Variants in PARG observed in about 807,000 individuals in gnomAD.
PARG encodes the protein mitochondrial poly(ADP-ribose) glycohydrolase.
PARG carries 35 observed loss-of-function variants against 113.0 expected under a neutral mutation model. The ratio of observed to expected loss-of-function variants is 0.31; its 90% confidence interval spans 0.24 to 0.41. PARG has a LOEUF of 0.41. Ranked by LOEUF, PARG falls within the 10% of genes least tolerant of loss-of-function variation. PARG has a pLI of 1.00. For synonymous variants in PARG, 330 were observed against 409.9 expected, an observed-to-expected ratio of 0.81 and a Z score of 2.36; for missense variants, 797 against 1,169.4, an observed-to-expected ratio of 0.68 and a Z score of 4.64.
intron 7 of PARG, among the ~76,000 whole-genome samples, chr10:49,899,154 T>C (rs1848237653): frequency 6.6e-6 from 1 of 152,242 alleles, no homozygotes; most frequent in African/African-American, 2.4e-5. Flanking sequence ...TATCATAGTT[T>C]TCTTTTGTGT....
intron 11 of PARG, among the ~76,000 whole-genome samples, chr10:49,862,788 T>C (rs544172702): frequency 2.0e-5 from 3 of 151,992 alleles, no homozygotes; most frequent in Non-Finnish European, 4.4e-5. Context: ...GAAAAATTAC[T>C]TTCCCAGTCT....
At chr10:49,849,539 CA>C (rs1448432703) in intron 13 of PARG, among the ~76,000 whole-genome samples, 1 of 152,030 alleles carries the variant, frequency 6.6e-6, no homozygotes, top group East Asian at 1.9e-4. Flanking sequence ...TCAATTAAAA[CA>C]AAAAACAATG....
rs1843899869 is a variant in PARG at position 49,818,381 on chromosome 10, T to C, written c.*959A>G. ...ATACATATATAAAATATAGATGATA[T>C]GGGAGTTTCTGACAAAGTGATTTAT... On this transcript the variant is annotated 3_prime_UTR_variant, in exon 18 of 18. Transcript: ENST00000616448. 1 of 152,602 alleles carries C rather than the reference T, an allele frequency of 6.6e-6. No individual in the cohort carries two copies. 9.5% of individuals were successfully genotyped at this position (152,602 alleles called of 1,614,324 possible).
At position 49,885,287 on chromosome 10, in the gene PARG, T is replaced by C. The variant is rs1411001358; in HGVS notation, c.1746A>G (p.Glu582=). ...ALIDFWDKVL[E]EAEAQHLYQS... ...GATATAAATGTTGAGCTTCTGCTTC[T>C]TCAAGTACCTGAAAACCAATAAAAT... The change falls in exon 8 of 18, where the codon GAA becomes GAG. Residue 582 remains glutamate (E), a synonymous_variant. Coordinates refer to ENST00000616448, the MANE Select transcript of PARG (RefSeq NM_003631.5). 3 of 1,602,074 alleles carry C rather than the reference T, an allele frequency of 1.9e-6. No individual in the cohort carries two copies. Among genetic ancestry groups the C allele is most frequent in the East Asian group, 4.5e-5 (2 of 44,820 alleles).
chr10:49,856,670 C>T (rs868977621), intron 13 of PARG, among the ~76,000 whole-genome samples: 150 of 152,152 alleles, frequency 9.9e-4, no homozygotes, highest in African/African-American at 3.5e-3. Context: ...AGAATACATA[C>T]TAGAGGCATA....
At chr10:49,830,413 C>T (rs936757613) in intron 16 of PARG, among the ~76,000 whole-genome samples, 1 of 152,150 alleles carries the variant, frequency 6.6e-6, no homozygotes, top group African/African-American at 2.4e-5. Flanking sequence ...AGGTGAAAGT[C>T]TTTAGCATAA....
intron 7 of PARG, among the ~76,000 whole-genome samples, chr10:49,902,505 T>C (rs1554843933): frequency 6.6e-6 from 1 of 152,044 alleles, no homozygotes; most frequent in Non-Finnish European, 1.5e-5. Flanking sequence ...AGCTCAGAAA[T>C]CCAAGAAAGA....
At position 49,912,390 on chromosome 10, in the gene PARG, C is replaced by T. The variant is rs192083569; in HGVS notation, c.1737+3527G>A. ...TAAGAACCCTTAGTTTAAGGCCGAGCGCGGTGGCTCATGCCTGTAATCCCA... is the reference window on the plus strand; with the variant it reads ...TAAGAACCCTTAGTTTAAGGCCGAGTGCGGTGGCTCATGCCTGTAATCCCA... On this transcript the variant is annotated intron_variant, in intron 7 of 17. Coordinates refer to ENST00000616448, the MANE Select transcript of PARG (RefSeq NM_003631.5). 3.3e-5 allele frequency among the ~76,000 whole-genome samples: 5 copies of T among 151,798 alleles called. No individual in the cohort carries two copies. The East Asian group carries it at 7.8e-4, about 24-fold the overall frequency.
In PARG at chr10:49,932,283, T is replaced by A. The variant is rs1413183670; in HGVS notation, c.1272A>T (p.Arg424Ser). 1.9e-5 allele frequency: 30 copies of A among 1,549,196 alleles called. No homozygotes were observed. Among genetic ancestry groups the A allele is most frequent in the Non-Finnish European group, 2.1e-5 (24 of 1,120,848 alleles). Residue 424 changes from arginine (R) to serine (S), a missense_variant and splice_region_variant, in exon 4 of 18, where the codon AGA becomes AGT. Around this residue, in one of 5 missense-constraint regions of PARG, gnomAD observed 252 missense variants for 437.4 expected, o/e 0.58. Coordinates refer to ENST00000616448, the MANE Select transcript of PARG (RefSeq NM_003631.5). ...FMRLPKAEDR[R>S]KEQWETKHQR... Reference sequence around the variant, plus strand: ...GATGTTTGGTTTCCCACTGTTCTTTTCTAAGGTCAAGACAAATGTATTTAG... The same window carrying A: ...GATGTTTGGTTTCCCACTGTTCTTTACTAAGGTCAAGACAAATGTATTTAG...
At chr10:49,833,753 G>A (rs1320330026) in intron 15 of PARG, among the ~76,000 whole-genome samples, 1 of 152,162 alleles carries the variant, frequency 6.6e-6, no homozygotes, top group Non-Finnish European at 1.5e-5. Flanking sequence ...TGATCAGACT[G>A]TAACAGGCTT....
chr10:49,827,143 T>C (rs1376611182), intron 16 of PARG, among the ~76,000 whole-genome samples: 2 of 152,226 alleles, frequency 1.3e-5, no homozygotes, highest in East Asian at 3.9e-4. Context: ...CTGGAGTAGT[T>C]ACCACTGGAG....
At position 49,941,355 on chromosome 10, in the gene PARG, A is replaced by G. The variant is rs1475592787; in HGVS notation, c.217+154T>C. On this transcript the variant is annotated intron_variant, in intron 1 of 17. Coordinates refer to ENST00000616448, the MANE Select transcript of PARG (RefSeq NM_003631.5). ...CACTGGGAAAAATGCGGCCCCATTCACCCACTAGTGGCTTTGGTAGCTCAG... is the reference window on the plus strand; with the variant it reads ...CACTGGGAAAAATGCGGCCCCATTCGCCCACTAGTGGCTTTGGTAGCTCAG... Among the ~76,000 whole-genome samples the G allele has an allele frequency of 2.7e-3, 414 of 152,174 alleles. 3 individuals carry two copies. The highest frequency in any genetic ancestry group is 8.8e-3 in the African/African-American group (366 of 41,506).
At position 49,922,379 on chromosome 10, in the gene PARG, T is replaced by C. The variant is rs1470425895; in HGVS notation, c.1619A>G (p.Gln540Arg). ...RTAGSRWELI[Q>R]TALLNKFTRP... The stretch of plus-strand genomic sequence containing the variant: ...TGTAAATTTGTTGAGAAGTGCAGTC[T>C]GAATGAGCTCCCACCGGCTCCCCGC... The change falls in exon 6 of 18, where the codon CAG becomes CGG. Residue 540 changes from glutamine to arginine, a missense_variant. Transcript: ENST00000616448. The C allele has an allele frequency of 5.6e-6, 9 of 1,606,996 alleles. No individual in the cohort carries two copies. The African/African-American group carries it at 1.2e-4, about 21-fold the overall frequency.
At chr10:49,929,473 CT>C (rs1261765987) in intron 4 of PARG, among the ~76,000 whole-genome samples, 3 of 152,152 alleles carry the variant, frequency 2.0e-5, no homozygotes, top group Non-Finnish European at 2.9e-5. Context: ...AGCAGAATCC[CT>C]TTTTTCCCTA....
intron 16 of PARG, among the ~76,000 whole-genome samples, chr10:49,822,847 A>G (rs1228699254): frequency 6.6e-6 from 1 of 152,208 alleles, no homozygotes; most frequent in African/African-American, 2.4e-5. Context: ...CCTCAACCTC[A>G]TCACAAGGAA....
chr10:49,902,880 T>G (rs1554844015), intron 7 of PARG, among the ~76,000 whole-genome samples: 1 of 151,776 alleles, frequency 6.6e-6, no homozygotes, highest in Non-Finnish European at 1.5e-5. Flanking sequence ...GTCACCAGAC[T>G]GGAGTGCAAT....
intron 13 of PARG, among the ~76,000 whole-genome samples, chr10:49,846,055 G>A: frequency 6.6e-6 from 1 of 150,868 alleles, no homozygotes; most frequent in African/African-American, 2.4e-5. Context: ...AAAAAAAAAA[G>A]ACTATCACAA....
At position 49,824,920 on chromosome 10, in the gene PARG, C is replaced by T. The variant is rs372322156; in HGVS notation, c.2648-4627G>A. ...CTGCTTCTGGGCTGCTGTGGCAATC[C>T]ACCCTGGTCAACTCCAAGCAGACCT... On this transcript the variant is annotated intron_variant, in intron 16 of 17. Coordinates refer to ENST00000616448, the MANE Select transcript of PARG (RefSeq NM_003631.5). 6.6e-5 allele frequency among the ~76,000 whole-genome samples: 10 copies of T among 152,242 alleles called. No individual in the cohort carries two copies. The East Asian group carries it at 1.7e-3, about 27-fold the overall frequency.
chr10:49,856,488 T>C (rs565030027), intron 13 of PARG, among the ~76,000 whole-genome samples: 63 of 152,326 alleles, frequency 4.1e-4, no homozygotes, highest in African/African-American at 1.5e-3. Context: ...CCATGATAAC[T>C]GAACTTTTTC....
Sources: gnomAD v4.1 joint callset for allele counts (sites outside exome capture counted in the v4.1 genomes callset) on GRCh38, gnomAD v4.1.1 for gene constraint, gnomAD v4.1.1 regional missense constraint, MANE v1.5 for transcripts, NCBI Gene and HGNC (gene_info 2026-07-23, HGNC 2026-07-21) for gene names.